L3MBTL3: variants seen among roughly 807,000 people sequenced by gnomAD.
L3MBTL3 encodes L3MBTL histone methyl-lysine binding protein 3.
L3MBTL3 carries 27 observed loss-of-function variants against 102.3 expected under a neutral mutation model. The ratio of observed to expected loss-of-function variants is 0.26; its 90% CI spans 0.19 to 0.36. The LOEUF is 0.36. L3MBTL3 is among the 10% of genes least tolerant of loss of function. L3MBTL3 has a pLI of 1.00. For missense variants in L3MBTL3, 798 were observed against 955.3 expected (o/e 0.84, Z 2.17); for synonymous variants, 340 against 320.9 (o/e 1.06, Z -0.64).
chr6:130,139,479 T>C, intron 22 of L3MBTL3, 131 bp from the exon 23 acceptor site: 1 of 770,318 alleles, frequency 1.3e-6, no homozygotes, highest in East Asian at 2.5e-5. Flanking sequence ...GAAATGTCAT[T>C]GCACACGTGA....
Position 130,133,596 on chromosome 6 carries a change from A to T in L3MBTL3, c.2111A>T (p.Lys704Ile), listed in dbSNP as rs1168104194. ...LPTVAGIPAS[K>I]VSKWSTDEVS... ...ACTGTCGCAGGAATCCCTGCCAGTA[A>T]AGTTTCCAAATGGAGCACAGACGAG... is the stretch of plus-strand genomic sequence containing the variant. The change falls in exon 21 of 23, where the codon AAA becomes ATA. Residue 704 changes from lysine (K) to isoleucine (I), a missense_variant. Lys to Ile is a moderately radical substitution (Grantham distance 102). This residue lies in a region of L3MBTL3 where 48 missense variants were observed against 107.0 expected (regional missense o/e 0.45). Transcript: ENST00000361794. This position sits in a 1 kb window ranked among gnomAD's most constrained non-coding sequence, Gnocchi z 4.9. The T allele has an allele frequency of 3.7e-6, 6 of 1,613,890 alleles. No individual in the cohort carries two copies. The highest frequency in any genetic ancestry group is 1.3e-5 in the African/African-American group (1 of 74,938).
At position 130,057,397 on chromosome 6, in the gene L3MBTL3, G is replaced by A. The variant is rs781031858; in HGVS notation, c.668-9G>A. On this transcript the variant is annotated splice_polypyrimidine_tract_variant and intron_variant, in intron 8 of 22. Coordinates refer to ENST00000361794, the MANE Select transcript of L3MBTL3 (RefSeq NM_032438.4). ...AAATTCTGTCATTTCCGTCTTGCTT[G>A]CCTTTCAGGTTTGCCTCCTAAAGGA... 1.2e-6 allele frequency: 2 copies of A among 1,600,184 alleles called. No individual in the cohort carries two copies. The highest frequency in any genetic ancestry group is 2.2e-5 in the East Asian group (1 of 44,592).
intron 13 of L3MBTL3, 81 bp downstream of exon 13, chr6:130,071,208 C>A: frequency 8.1e-7 from 1 of 1,238,502 alleles, no homozygotes; most frequent in Non-Finnish European, 1.1e-6. Flanking sequence ...TAGTGCAACG[C>A]TTATAACAAA....
chr6:130,118,332 A>G (rs756858745), intron 19 of L3MBTL3, among the ~76,000 whole-genome samples: 1 of 152,206 alleles, frequency 6.6e-6, no homozygotes, highest in Non-Finnish European at 1.5e-5. Context: ...GGGGCATGTA[A>G]AAAGCTCAGT....
intron 2 of L3MBTL3, among the ~76,000 whole-genome samples, chr6:130,034,916 T>C (rs1779954024): frequency 6.6e-6 from 1 of 152,082 alleles, no homozygotes; most frequent in Non-Finnish European, 1.5e-5. Context: ...TGTGGAGGAG[T>C]GAACCGTACA....
intron 16 of L3MBTL3, among the ~76,000 whole-genome samples, chr6:130,086,575 T>C (rs1271269792): frequency 6.6e-6 from 1 of 152,170 alleles, no homozygotes; most frequent in African/African-American, 2.4e-5. Context: ...TTTAAAAAAA[T>C]TGAAGATTAA....
At chr6:130,137,283 T>C (rs973518220) in intron 22 of L3MBTL3, among the ~76,000 whole-genome samples, 2 of 152,226 alleles carry the variant, frequency 1.3e-5, no homozygotes, top group Admixed American at 1.3e-4. Context: ...TCCTTTGTTT[T>C]AGGCCATTAG....
intron 12 of L3MBTL3, among the ~76,000 whole-genome samples, chr6:130,069,113 G>C (rs1449557287): frequency 6.6e-6 from 1 of 152,170 alleles, no homozygotes; most frequent in Non-Finnish European, 1.5e-5. Context: ...GAATGGAAGA[G>C]ATTTAATTCG....
intron 20 of L3MBTL3, among the ~76,000 whole-genome samples, chr6:130,121,549 C>A (rs1786201887): frequency 6.6e-6 from 1 of 152,114 alleles, no homozygotes; most frequent in Non-Finnish European, 1.5e-5. Context: ...TTAACAGTCT[C>A]ACATATTGGT....
chr6:130,054,667 T>C (rs994973949), intron 7 of L3MBTL3, among the ~76,000 whole-genome samples: 1 of 152,204 alleles, frequency 6.6e-6, no homozygotes, highest in Non-Finnish European at 1.5e-5. Flanking sequence ...GGGTTTGAAA[T>C]GCTGATTAAC....
intron 14 of L3MBTL3, among the ~76,000 whole-genome samples, chr6:130,079,498 T>G (rs1445219553): frequency 6.6e-6 from 1 of 152,186 alleles, no homozygotes; most frequent in Non-Finnish European, 1.5e-5. Flanking sequence ...AGTGTATTTG[T>G]GCGTACATCA....
rs751640499 is a variant in L3MBTL3, at chr6:130,094,284, A to C, written c.1653A>C (p.Glu551Asp). 3.1e-6 allele frequency: 5 copies of C among 1,613,366 alleles called. No homozygotes were observed. The highest frequency in any genetic ancestry group is 3.3e-5 in the Admixed American group (2 of 59,926). ...TCATAGGCCCCTTAGAATTAATGGA[A>C]GCTTCAGAACATGGTGGATGCTCAA... ...QPPLSPLELMEASEHGGCSTP... is the reference protein window; with the variant it reads ...QPPLSPLELMDASEHGGCSTP... Residue 551 changes from glutamate (E) to aspartate (D), a missense_variant, in exon 18 of 23, where the codon GAA (glutamate) becomes GAC (aspartate). Physicochemically the swap from Glu to Asp is conservative, Grantham distance 45. Transcript: ENST00000361794.
chr6:130,066,476 C>T lies in L3MBTL3; in HGVS notation c.988C>T (p.His330Tyr). ...GTGTGAGAAAACCGGCCACAAACTC[C>T]ATCCTCCAAAAGGTTTTGTCACTTT... ...GWCEKTGHKL[H>Y]PPKGYKEEEF... The change falls in exon 11 of 23, where the codon CAT becomes TAT. Residue 330 changes from histidine to tyrosine, a missense_variant. Coordinates refer to ENST00000361794, the MANE Select transcript of L3MBTL3 (RefSeq NM_032438.4). The T allele has an allele frequency of 1.9e-6, 3 of 1,609,612 alleles. No homozygotes were observed. Among genetic ancestry groups the T allele is most frequent in the Non-Finnish European group, 1.7e-6 (2 of 1,178,392 alleles).
chr6:130,030,659 T>G (rs1220302536), intron 2 of L3MBTL3, among the ~76,000 whole-genome samples: 1 of 100,668 alleles, frequency 9.9e-6, no homozygotes, highest in African/African-American at 4.2e-5. Context: ...ACAGCAAGAC[T>G]CTACCTAAAA....
intron 18 of L3MBTL3, among the ~76,000 whole-genome samples, chr6:130,096,025 AC>A (rs1784343110): frequency 6.6e-6 from 1 of 152,378 alleles, no homozygotes; most frequent in African/African-American, 2.4e-5. Flanking sequence ...TATTTATTGA[AC>A]ATTTATTTAC....
intron 16 of L3MBTL3, among the ~76,000 whole-genome samples, chr6:130,088,978 T>G (rs1343666389): frequency 6.6e-6 from 1 of 152,172 alleles, no homozygotes; most frequent in Non-Finnish European, 1.5e-5. Context: ...TTAGTTTTTT[T>G]GTCTTCTTAG....
chr6:130,080,837 C>T (rs1046308059), intron 14 of L3MBTL3, among the ~76,000 whole-genome samples: 20 of 152,140 alleles, frequency 1.3e-4, no homozygotes, highest in Admixed American at 1.1e-3. Context: ...AACAAAACTG[C>T]CAAATTGTGA....
intron 2 of L3MBTL3, among the ~76,000 whole-genome samples, chr6:130,041,646 G>A (rs994570402): frequency 2.0e-5 from 3 of 152,212 alleles, no homozygotes; most frequent in Non-Finnish European, 2.9e-5. Flanking sequence ...AGTAAGGATA[G>A]TAAGGATACT....
intron 10 of L3MBTL3, among the ~76,000 whole-genome samples, chr6:130,061,953 G>C (rs1244398342): frequency 6.6e-6 from 1 of 152,174 alleles, no homozygotes; most frequent in African/African-American, 2.4e-5. Flanking sequence ...TTCTCAAGGA[G>C]CATGAGGGAA....
Sources: gnomAD v4.1 joint callset for allele counts (sites outside exome capture counted in the v4.1 genomes callset) on GRCh38, gnomAD v4.1.1 for gene constraint, gnomAD v4.1.1 regional missense constraint, Gnocchi (gnomAD v3.1) non-coding constraint, MANE v1.5 for transcripts, NCBI Gene and HGNC (gene_info 2026-07-23, HGNC 2026-07-21) for gene names.